Variants in TAFA2 observed in about 807,000 individuals in gnomAD.
The protein encoded by TAFA2 is chemokine-like protein TAFA-2.
A neutral mutation model predicts 18.8 loss-of-function variants in TAFA2; 7 were observed. The observed-to-expected ratio is 0.37, with a 90% CI of 0.21 to 0.70. TAFA2 has a LOEUF of 0.70. Ranked by LOEUF, TAFA2 falls within the 30% of genes least tolerant of loss-of-function variation. The pLI, the probability that TAFA2 is intolerant of heterozygous loss-of-function variation, is 0.53. For synonymous variants in TAFA2, 60 were observed against 54.2 expected (o/e 1.11, Z -0.47); for missense variants, 122 against 158.1 (o/e 0.77, Z 1.23).
At chr12:62,014,858 C>T (rs548691521) in intron 1 of TAFA2, among the ~76,000 whole-genome samples, 1 of 152,100 alleles carries the variant, frequency 6.6e-6, no homozygotes, top group Non-Finnish European at 1.5e-5. Context: ...CACATAACTC[C>T]ACAATGCTAT....
At position 61,829,850 on chromosome 12, in the gene TAFA2, A is replaced by C. The variant is rs1872652502; in HGVS notation, c.106+37470T>G. Among the ~76,000 whole-genome samples the C allele has an allele frequency of 3.9e-5, 6 of 151,930 alleles. No homozygotes were observed. In the South Asian group the frequency reaches 1.2e-3, roughly 31 times the overall value. On this transcript the variant is annotated intron_variant, in intron 2 of 4. Transcript: ENST00000416284. ...CCTAAATATAAAGAACACAAAGTACAAAAAGAAGCCTTAAGAGAAAAATGT... is the reference window on the plus strand; with the variant it reads ...CCTAAATATAAAGAACACAAAGTACCAAAAGAAGCCTTAAGAGAAAAATGT...
chr12:62,107,920 G>T (rs1227420643), intron 1 of TAFA2, among the ~76,000 whole-genome samples: 3 of 142,578 alleles, frequency 2.1e-5, no homozygotes, highest in Non-Finnish European at 3.1e-5. Flanking sequence ...ATTGTCTAAA[G>T]AATTTAATTG....
chr12:61,985,841 T>A (rs1226978885), intron 1 of TAFA2, among the ~76,000 whole-genome samples: 1 of 152,246 alleles, frequency 6.6e-6, no homozygotes, highest in Non-Finnish European at 1.5e-5. Flanking sequence ...TGTAAAATGA[T>A]TTTCTGATTG....
chr12:61,741,089 A>T (rs2120699530), intron 4 of TAFA2, among the ~76,000 whole-genome samples: 1 of 152,212 alleles, frequency 6.6e-6, no homozygotes, highest in Admixed American at 6.5e-5. Context: ...TTACTTCAAA[A>T]TTTTTAAAGT....
intron 1 of TAFA2, among the ~76,000 whole-genome samples, chr12:62,056,253 G>A (rs1403810187): frequency 2.0e-5 from 3 of 152,026 alleles, no homozygotes; most frequent in Admixed American, 6.6e-5. Context: ...TTGCTACATC[G>A]CCAGATATTT....
At chr12:62,042,580 T>C (rs1419342075) in intron 1 of TAFA2, among the ~76,000 whole-genome samples, 1 of 152,108 alleles carries the variant, frequency 6.6e-6, no homozygotes, top group Admixed American at 6.6e-5. Context: ...TTGAATGGTT[T>C]CTCTTGTTTT....
chr12:61,796,567 T>C (rs984347337), intron 2 of TAFA2, among the ~76,000 whole-genome samples: 1 of 152,104 alleles, frequency 6.6e-6, no homozygotes, highest in Non-Finnish European at 1.5e-5. Context: ...GGAGGAGGAA[T>C]TTTTGAAAAA....
At chr12:61,755,992 T>A (rs10877735) in intron 2 of TAFA2, among the ~76,000 whole-genome samples, 56,766 of 151,962 alleles carry the variant, frequency 0.37, 10,803 homozygotes, top group African/African-American at 0.45. Flanking sequence ...TAAAAACAGA[T>A]ATTACAATGG....
intron 1 of TAFA2, among the ~76,000 whole-genome samples, chr12:62,254,897 T>C (rs2062931065): frequency 6.6e-6 from 1 of 152,180 alleles, no homozygotes; most frequent in Admixed American, 6.5e-5. Context: ...TGAAGGGTTG[T>C]CCAAACAGAA....
At chr12:61,966,403 A>G (rs1362086534) in intron 1 of TAFA2, among the ~76,000 whole-genome samples, 1 of 151,884 alleles carries the variant, frequency 6.6e-6, no homozygotes, top group Non-Finnish European at 1.5e-5. Flanking sequence ...CCTCTTTTAT[A>G]AGGGCTGTAA....
At chr12:61,751,500 A>C (rs1314820312) in intron 4 of TAFA2, among the ~76,000 whole-genome samples, 2 of 152,024 alleles carry the variant, frequency 1.3e-5, no homozygotes, top group Non-Finnish European at 2.9e-5. Flanking sequence ...TTTCTTTTCA[A>C]AATGGGAGTG....
rs192851413 is a variant in TAFA2 at position 61,892,694 on chromosome 12, C to A, written c.-1-25268G>T. 3.7e-4 allele frequency among the ~76,000 whole-genome samples: 56 copies of A among 152,156 alleles called. No homozygotes were observed. The East Asian group carries it at 0.01, about 27-fold the overall frequency. On this transcript the variant is annotated intron_variant, in intron 1 of 4. Transcript: ENST00000416284. ...TCTACTAAAAATACAACAGTATTAC[C>A]TGGGTATGGTGGCACATGCCTGTAG...
chr12:61,866,385 C>G (rs1338568476), intron 2 of TAFA2, among the ~76,000 whole-genome samples: 2 of 152,088 alleles, frequency 1.3e-5, no homozygotes, highest in Non-Finnish European at 2.9e-5. Context: ...AGAATTCAAA[C>G]CAGTCTTAAT....
chr12:61,889,894 T>C (rs1420892203), intron 1 of TAFA2, among the ~76,000 whole-genome samples: 2 of 152,220 alleles, frequency 1.3e-5, no homozygotes, highest in African/African-American at 2.4e-5. Context: ...CATCAACCAC[T>C]GACTTTTTCT....
At chr12:62,094,670 A>C (rs1868867804) in intron 1 of TAFA2, among the ~76,000 whole-genome samples, 1 of 152,004 alleles carries the variant, frequency 6.6e-6, no homozygotes, top group Admixed American at 6.6e-5. Context: ...ATACTTCTAA[A>C]CACATTAAGC....
At chr12:62,168,988 A>G (rs1400461598) in intron 1 of TAFA2, among the ~76,000 whole-genome samples, 1 of 151,272 alleles carries the variant, frequency 6.6e-6, no homozygotes, top group Non-Finnish European at 1.5e-5. Flanking sequence ...TTAAAACCCC[A>G]TATATGTATA....
At chr12:62,108,795 G>A (rs557243966) in intron 1 of TAFA2, among the ~76,000 whole-genome samples, 69 of 152,162 alleles carry the variant, frequency 4.5e-4, no homozygotes, top group Non-Finnish European at 9.1e-4. Context: ...ATTTTGAGAA[G>A]TGTCTGTTCA....
intron 1 of TAFA2, among the ~76,000 whole-genome samples, chr12:62,215,585 G>A (rs1463017160): frequency 2.7e-5 from 4 of 146,300 alleles, no homozygotes; most frequent in South Asian, 2.2e-4. Context: ...AAAAAGGGGC[G>A]GAAGAACTTG....
At chr12:62,180,980 T>C (rs929740861) in intron 1 of TAFA2, among the ~76,000 whole-genome samples, 3 of 152,250 alleles carry the variant, frequency 2.0e-5, no homozygotes, top group Admixed American at 6.5e-5. Flanking sequence ...ATTTAATTTA[T>C]ACAACAGTAG....
Sources: allele counts gnomAD v4.1 joint callset (sites outside exome capture counted in the v4.1 genomes callset), GRCh38; gene constraint gnomAD v4.1.1; transcripts MANE v1.5; gene names NCBI Gene and HGNC (gene_info 2026-07-23, HGNC 2026-07-21).